CCDC171: variants seen among roughly 807,000 people sequenced by gnomAD.
The protein encoded by CCDC171 is coiled-coil domain-containing protein 171.
CCDC171 carries 177 observed loss-of-function variants against 168.2 expected under a neutral mutation model. The ratio of observed to expected loss-of-function variants is 1.05; its 90% CI spans 0.93 to 1.19. CCDC171 has a LOEUF of 1.19. Among genes scored for constraint, CCDC171 ranks in the 50% most tolerant of loss-of-function variants. The probability of loss-of-function intolerance (pLI) is 0.00; values close to 1 mark genes in which losing one functional copy is unlikely to be tolerated. For missense variants in CCDC171, 1,991 were observed against 1,539.0 expected, an observed-to-expected ratio of 1.29 and a Z score of -4.91; for synonymous variants, 687 against 540.8, an observed-to-expected ratio of 1.27 and a Z score of -3.75.
At chr9:16,040,411 C>T (rs988147770), upstream of CCDC171, among the ~76,000 whole-genome samples, 1 of 152,186 alleles carries the variant, frequency 6.6e-6, no homozygotes, top group Non-Finnish European at 1.5e-5. Context: ...TCAGAGTTGT[C>T]TCTGGGCTGG....
intron 10 of CCDC171, among the ~76,000 whole-genome samples, chr9:15,695,007 C>G (rs1294079318): frequency 6.6e-6 from 1 of 152,166 alleles, no homozygotes; most frequent in African/African-American, 2.4e-5. Flanking sequence ...ATATAAAACA[C>G]TTAGAATAGT....
intron 18 of CCDC171, among the ~76,000 whole-genome samples, chr9:15,762,615 C>T (rs1238752220): frequency 6.6e-6 from 1 of 152,144 alleles, no homozygotes; most frequent in Non-Finnish European, 1.5e-5. Flanking sequence ...ACAACATTCT[C>T]AGTAATATCA....
the CCDC171 span, among the ~76,000 whole-genome samples, chr9:16,092,479 C>G: frequency 6.6e-6 from 1 of 152,174 alleles, no homozygotes; most frequent in Non-Finnish European, 1.5e-5. Context: ...TGCTTCTGCT[C>G]CACTTCCCCC....
intron 25 of CCDC171, among the ~76,000 whole-genome samples, chr9:15,950,792 A>G (rs1364749933): frequency 6.6e-6 from 1 of 151,944 alleles, no homozygotes; most frequent in East Asian, 1.9e-4. Flanking sequence ...TTAAATGTAA[A>G]TGGACCAAAT....
chr9:15,632,339 C>A (rs1420939384), intron 7 of CCDC171, among the ~76,000 whole-genome samples: 1 of 151,880 alleles, frequency 6.6e-6, no homozygotes, highest in Non-Finnish European at 1.5e-5. Context: ...GATACAAAAT[C>A]AATGTACAAA....
intron 21 of CCDC171, among the ~76,000 whole-genome samples, chr9:15,786,303 C>T (rs1564404025): frequency 6.6e-6 from 1 of 151,918 alleles, no homozygotes; most frequent in African/African-American, 2.4e-5. Flanking sequence ...ACCGATATGA[C>T]TGTGAATTTT....
At chr9:15,946,779 A>G (rs3008676) in intron 25 of CCDC171, among the ~76,000 whole-genome samples, 152,006 of 152,186 alleles carry the variant, frequency 1, 75,915 homozygotes, top group Middle Eastern at 1. Context: ...TATACTACAA[A>G]GCTAGAATTC....
chr9:15,687,665 C>T (rs988606489), intron 10 of CCDC171, among the ~76,000 whole-genome samples: 1 of 151,934 alleles, frequency 6.6e-6, no homozygotes, highest in African/African-American at 2.4e-5. Context: ...AGAAGAGATT[C>T]AAATTACTGA....
At chr9:15,596,854 T>C (rs989217893) in intron 6 of CCDC171, among the ~76,000 whole-genome samples, 55 of 152,244 alleles carry the variant, frequency 3.6e-4, no homozygotes, top group African/African-American at 1.0e-3. Flanking sequence ...TTGAAGAGGT[T>C]CTTCACATCC....
At chr9:15,862,163 TTC>T (rs2061587197) in intron 23 of CCDC171, among the ~76,000 whole-genome samples, 1 of 95,330 alleles carries the variant, frequency 1.0e-5, no homozygotes, top group Non-Finnish European at 2.2e-5. Flanking sequence ...TCTTTAAAAA[TTC>T]TCTTTTTTTG....
chr9:15,639,670 C>G (rs557120531), intron 7 of CCDC171, among the ~76,000 whole-genome samples: 1 of 152,218 alleles, frequency 6.6e-6, no homozygotes, highest in South Asian at 2.1e-4. Context: ...GGCTCTGTTA[C>G]CATCCTCAGT....
intron 18 of CCDC171, among the ~76,000 whole-genome samples, chr9:15,764,396 AT>A (rs1481945026): frequency 1.3e-5 from 2 of 152,198 alleles, no homozygotes; most frequent in East Asian, 3.8e-4. Context: ...GTAGCTTGGA[AT>A]AGTATAACAT....
chr9:15,876,978 T>G (rs917950247), intron 24 of CCDC171, among the ~76,000 whole-genome samples: 1 of 152,082 alleles, frequency 6.6e-6, no homozygotes, highest in Non-Finnish European at 1.5e-5. Flanking sequence ...TTCTGTCTTT[T>G]TCAATGGGGG....
At chr9:15,910,343 T>C (rs1823438204) in intron 24 of CCDC171, among the ~76,000 whole-genome samples, 1 of 152,188 alleles carries the variant, frequency 6.6e-6, no homozygotes, top group South Asian at 2.1e-4. Flanking sequence ...CCAGTGTATA[T>C]TTTTATTGAC....
At position 16,018,463 on chromosome 9, in the gene CCDC171, A is replaced by T. The variant is rs376495217; in HGVS notation, n.369-2126A>T. On this transcript the variant is annotated intron_variant and non_coding_transcript_variant, in intron 3 of 9. Coordinates refer to the CCDC171 transcript ENST00000486641. ...TTTAATACAGCAGCATGCTAATTCA[A>T]ATATTATTATTTTTCCCTTCCTGAT... Among the ~76,000 whole-genome samples, 5 of 152,198 alleles carry T rather than the reference A, an allele frequency of 3.3e-5. No homozygotes were observed. In the East Asian group the frequency reaches 5.8e-4, roughly 18 times the overall value.
intron 21 of CCDC171, among the ~76,000 whole-genome samples, chr9:15,797,117 C>G (rs1464813048): frequency 1.3e-5 from 2 of 152,092 alleles, no homozygotes; most frequent in African/African-American, 4.8e-5. Flanking sequence ...ATTTAATTTG[C>G]ATTTACCTGA....
In CCDC171 at chr9:15,691,541, GTTTTTT is replaced by G. The variant is rs1165225241; in HGVS notation, c.1216-3693_1216-3688del. The stretch of plus-strand genomic sequence containing the variant: ...TGATTAAAAATACCTGTAAATATAT[GTTTTTT>G]ATATATATATATATATATATATATG... On this transcript the variant is annotated intron_variant, in intron 10 of 25. Transcript: ENST00000380701. Among the ~76,000 whole-genome samples the G allele has an allele frequency of 2.5e-4, 29 of 114,822 alleles. 1 individual carries two copies. Among genetic ancestry groups the G allele is most frequent in the East Asian group, 2.5e-3 (10 of 4,032 alleles). The allele number at this position is 114,822 out of a possible 152,430, so 75.3% of individuals were successfully genotyped here. A position where few individuals can be genotyped will look rare whatever the true frequency, so the allele number is the denominator to read the frequency against.
At chr9:15,597,889 C>T (rs571394056) in intron 6 of CCDC171, among the ~76,000 whole-genome samples, 11 of 152,190 alleles carry the variant, frequency 7.2e-5, no homozygotes, top group Admixed American at 6.6e-4. Context: ...TGTATGTGTC[C>T]AGGAATTCTT....
At chr9:15,931,507 A>G (rs1589159977) in intron 25 of CCDC171, among the ~76,000 whole-genome samples, 1 of 44,756 alleles carries the variant, frequency 2.2e-5, no homozygotes, top group Admixed American at 3.1e-4. Context: ...TTCCTTATAT[A>G]TTCTGGATAT....
Sources: allele counts gnomAD v4.1 joint callset (sites outside exome capture counted in the v4.1 genomes callset), GRCh38; gene constraint gnomAD v4.1.1; transcripts MANE v1.5; gene names NCBI Gene and HGNC (gene_info 2026-07-23, HGNC 2026-07-21).